Variants in MAST4 observed in about 807,000 individuals in gnomAD.
MAST4 encodes microtubule associated serine/threonine kinase family member 4, also known as microtubule-associated serine/threonine-protein kinase 4.
MAST4 carries 89 observed loss-of-function variants against 162.7 expected under a neutral mutation model. The observed-to-expected ratio is 0.55, with a 90% CI of 0.46 to 0.65. MAST4 has a LOEUF of 0.65. Among genes scored for constraint, MAST4 ranks in the 30% least tolerant of loss-of-function variants. The probability of loss-of-function intolerance (pLI) is 0.00; values close to 1 mark genes in which losing one functional copy is unlikely to be tolerated. For synonymous variants in MAST4, 1,479 were observed against 1,361.1 expected (o/e 1.09, Z -1.91); for missense variants, 3,153 against 3,374.0 (o/e 0.93, Z 1.62).
chr5:66,767,170 C>CGTTGTGTGTGTGTGTGTGTGTGT (rs1491178013), intron 2 of MAST4, among the ~76,000 whole-genome samples: 4 of 139,482 alleles, frequency 2.9e-5, no homozygotes, highest in African/African-American at 1.1e-4. Flanking sequence ...GTAAAGTGCA[C>CGTTGTGTGTGTGTGTGTGTGTGT]GTGTGTGTGT....
chr5:67,165,976 A>AG lies in MAST4; in HGVS notation c.6800dup (p.Glu2268ArgfsTer11), dbSNP rs747307260. The AG allele has an allele frequency of 1.9e-6, 3 of 1,613,368 alleles. No individual in the cohort carries two copies. The highest frequency in any genetic ancestry group is 8.5e-7 in the Non-Finnish European group (1 of 1,179,828). On this transcript the variant is annotated frameshift_variant, in exon 29 of 29. Coordinates refer to ENST00000403625, the MANE Select transcript of MAST4 (RefSeq NM_001164664.2). LOFTEE classifies it low-confidence loss of function (END_TRUNC). ...AACAAAGCCAGCGATGGGATTGGCCAGGGAGAAGGTGGGCCCTCTGTCCCA... is the reference window on the plus strand; with the variant it reads ...AACAAAGCCAGCGATGGGATTGGCCAGGGGAGAAGGTGGGCCCTCTGTCCCA...
At chr5:66,608,202 C>T (rs551534785) in intron 1 of MAST4, among the ~76,000 whole-genome samples, 3 of 151,322 alleles carry the variant, frequency 2.0e-5, no homozygotes, top group East Asian at 2.0e-4. Context: ...GGATTACAGG[C>T]GTGCCACCAT....
chr5:66,680,983 C>A (rs1329715446), intron 1 of MAST4, among the ~76,000 whole-genome samples: 4 of 152,148 alleles, frequency 2.6e-5, no homozygotes, highest in Non-Finnish European at 5.9e-5. Context: ...GTGGCACATG[C>A]CTTTGGCCAC....
At chr5:66,966,755 G>A (rs989682974) in intron 4 of MAST4, among the ~76,000 whole-genome samples, 16 of 152,234 alleles carry the variant, frequency 1.1e-4, no homozygotes, top group Non-Finnish European at 7.3e-5. Flanking sequence ...TGGTTAAATA[G>A]TTAGCAATCT....
At chr5:66,899,335 A>G (rs952903304) in intron 3 of MAST4, among the ~76,000 whole-genome samples, 6 of 152,096 alleles carry the variant, frequency 3.9e-5, no homozygotes, top group Admixed American at 3.9e-4. Flanking sequence ...ACTATGAAGC[A>G]CTCTAATAAT....
At chr5:66,788,639 A>G (rs1295800800) in intron 2 of MAST4, 31 bp from the exon 3 acceptor site, 1 of 1,513,432 alleles carries the variant, frequency 6.6e-7, no homozygotes, top group African/African-American at 1.6e-5. Flanking sequence ...GCTGCCTGTC[A>G]CTTACATTTT....
chr5:67,109,175 C>G (rs1243422652), intron 10 of MAST4, among the ~76,000 whole-genome samples: 1 of 152,020 alleles, frequency 6.6e-6, no homozygotes, highest in Non-Finnish European at 1.5e-5. Flanking sequence ...TTAAATTTTA[C>G]TAAGTTAGGT....
rs1170555904 is a variant in MAST4 at position 66,917,546 on chromosome 5, A to G, written c.674+17564A>G. ...TCTCACTATTTTTAAAAAAACATTCAATCTTCAACTTAAAATTTTGTACAC... is the reference window on the plus strand; with the variant it reads ...TCTCACTATTTTTAAAAAAACATTCGATCTTCAACTTAAAATTTTGTACAC... On this transcript the variant is annotated intron_variant, in intron 4 of 28. Coordinates refer to ENST00000403625, the MANE Select transcript of MAST4 (RefSeq NM_001164664.2). 1.3e-5 allele frequency among the ~76,000 whole-genome samples: 2 copies of G among 151,500 alleles called. 1 individual carries two copies. The highest frequency in any genetic ancestry group is 4.2e-4 in the South Asian group (2 of 4,790).
chr5:67,169,097 C>T lies in MAST4; in HGVS notation c.*2046C>T, dbSNP rs1448177614. On this transcript the variant is annotated 3_prime_UTR_variant, in exon 29 of 29. Coordinates refer to ENST00000403625, the MANE Select transcript of MAST4 (RefSeq NM_001164664.2). ...TCTGTGTTTGGCAGTTGTCATAACCCAATCCTACATTCAGCCATCGGGACA... is the reference window on the plus strand; with the variant it reads ...TCTGTGTTTGGCAGTTGTCATAACCTAATCCTACATTCAGCCATCGGGACA... 4 of 152,138 alleles carry T rather than the reference C, an allele frequency of 2.6e-5. No homozygotes were observed. The highest frequency in any genetic ancestry group is 2.6e-4 in the Admixed American group (4 of 15,278). The allele number at this position is 152,138 out of a possible 1,614,324, so 9.4% of individuals were successfully genotyped here.
At position 67,000,526 on chromosome 5, in the gene MAST4, A is replaced by G. The variant is rs549219633; in HGVS notation, c.675-53878A>G. Among the ~76,000 whole-genome samples, 35 of 152,178 alleles carry G rather than the reference A, an allele frequency of 2.3e-4. No homozygotes were observed. In the South Asian group the frequency reaches 7.3e-3, roughly 32 times the overall value. ...TTTGGGAGGCTGAGGCGGGTGGATT[A>G]CCTGCAGTCAGGAGTTCGAGACCAG... On this transcript the variant is annotated intron_variant, in intron 4 of 28. Transcript: ENST00000403625.
intron 5 of MAST4, among the ~76,000 whole-genome samples, chr5:67,089,919 C>A (rs558390465): frequency 1.6e-3 from 242 of 152,244 alleles, no homozygotes; most frequent in African/African-American, 5.0e-3. Context: ...GGTGATATAG[C>A]TGAAAGTGTT....
intron 3 of MAST4, among the ~76,000 whole-genome samples, chr5:66,820,976 A>T (rs1037446674): frequency 9.9e-5 from 15 of 152,224 alleles, no homozygotes; most frequent in African/African-American, 3.6e-4. Flanking sequence ...TGTAGAAATC[A>T]CCAATCGCAT....
Position 67,166,881 on chromosome 5 carries a change from GC to G in MAST4, c.7705del (p.Gln2569SerfsTer14), listed in dbSNP as rs755275561. ...GETKGKDPAP[A>X]QPPPARKQNV... ...AACCAAAGGGAAGGACCCTGCCCCAGCCCAGCCTCCCCCAGCTAGGAAACAG... is the reference window on the plus strand; with the variant it reads ...AACCAAAGGGAAGGACCCTGCCCCAGCCAGCCTCCCCCAGCTAGGAAACAG... On this transcript the variant is annotated frameshift_variant, in exon 29 of 29. Transcript: ENST00000403625. LOFTEE classifies it high-confidence loss of function. 1.2e-6 allele frequency: 2 copies of G among 1,609,440 alleles called. No homozygotes were observed. The highest frequency in any genetic ancestry group is 1.7e-6 in the Non-Finnish European group (2 of 1,178,290).
chr5:67,090,041 T>G, intron 5 of MAST4, 121 bp from the exon 6 acceptor site: 23 of 628,518 alleles, frequency 3.7e-5, no homozygotes, highest in East Asian at 1.3e-4. Context: ...AACTAAAGCA[T>G]TATTGGAGGA....
At chr5:66,998,414 C>T (rs527317282) in intron 4 of MAST4, among the ~76,000 whole-genome samples, 21 of 152,272 alleles carry the variant, frequency 1.4e-4, no homozygotes, top group African/African-American at 1.9e-4. Flanking sequence ...AAACGCAATT[C>T]GTTACCTATC....
chr5:67,143,277 C>CA (rs11284037), intron 21 of MAST4, among the ~76,000 whole-genome samples: 2,311 of 139,266 alleles, frequency 0.017, 47 homozygotes, highest in African/African-American at 0.048. Flanking sequence ...AAAAAAAAGC[C>CA]AAAAAAAAAA....
chr5:66,752,097 G>T (rs974715901), intron 1 of MAST4, among the ~76,000 whole-genome samples: 3 of 152,168 alleles, frequency 2.0e-5, no homozygotes, highest in Non-Finnish European at 2.9e-5. Context: ...CAAATGCTGA[G>T]AAATTTTGTC....
chr5:66,994,487 C>A (rs1039661554), intron 4 of MAST4, among the ~76,000 whole-genome samples: 10 of 152,214 alleles, frequency 6.6e-5, no homozygotes, highest in African/African-American at 2.4e-4. Flanking sequence ...ATTCATTTGT[C>A]ACTCACCTGT....
rs10073648 is a variant in MAST4, at chr5:67,035,780, G to A, written c.675-18624G>A. On this transcript the variant is annotated intron_variant, in intron 4 of 28. Transcript: ENST00000403625. ...TGTCATCTTCCACCCCTTGGAGTCCGTCAGTGGAAAGGAGTAACAGGTTTT... is the reference window on the plus strand; with the variant it reads ...TGTCATCTTCCACCCCTTGGAGTCCATCAGTGGAAAGGAGTAACAGGTTTT... Among the ~76,000 whole-genome samples the A allele has an allele frequency of 7.3e-3, 1,109 of 152,280 alleles. 4 individuals are homozygous for A. Among genetic ancestry groups the A allele is most frequent in the Admixed American group, 0.013 (206 of 15,296 alleles).
Sources: allele counts gnomAD v4.1 joint callset (sites outside exome capture counted in the v4.1 genomes callset), GRCh38; gene constraint gnomAD v4.1.1; transcripts MANE v1.5; gene names NCBI Gene and HGNC (gene_info 2026-07-23, HGNC 2026-07-21).